Variants in CD8B observed in about 807,000 individuals in gnomAD.
CD8B encodes T-cell surface glycoprotein CD8 beta chain.
In CD8B, 6 loss-of-function variants were observed where a neutral mutation model predicts 24.2. That is an observed-to-expected ratio of 0.25 (90% CI 0.14 to 0.49). The LOEUF (loss-of-function observed/expected upper bound fraction) is 0.49, where lower values mean the gene tolerates loss of function less well. Among genes scored for constraint, CD8B ranks in the 20% least tolerant of loss-of-function variants. CD8B has a pLI of 0.98. For synonymous variants in CD8B, 84 were observed against 108.3 expected, an observed-to-expected ratio of 0.78 and a Z score of 1.39; for missense variants, 196 against 271.3, an observed-to-expected ratio of 0.72 and a Z score of 1.95.
chr2:86,846,887 C>A, intron 3 of CD8B, 114 bp from the exon 4 acceptor site: 1 of 580,604 alleles, frequency 1.7e-6, no homozygotes, highest in Non-Finnish European at 3.2e-6. Flanking sequence ...CCAGAGAATA[C>A]CACCATTTGT....
chr2:86,852,907 G>A (rs1162107909), intron 3 of CD8B, 90 bp downstream of exon 3: 6 of 1,367,354 alleles, frequency 4.4e-6, no homozygotes, highest in Non-Finnish European at 5.9e-6. Context: ...TTGACACTTG[G>A]AAAGTGCCTG....
chr2:86,830,230 G>C (rs1274396727), intron 5 of CD8B, among the ~76,000 whole-genome samples: 16 of 151,992 alleles, frequency 1.1e-4, no homozygotes, highest in Admixed American at 1.0e-3. Flanking sequence ...GTCCCAGCCA[G>C]TTTTTAGCAT....
In CD8B at chr2:86,838,376, C is replaced by A. The variant is rs1180655386; in HGVS notation, c.*3931G>T. On this transcript the variant is annotated 3_prime_UTR_variant, in exon 6 of 6. Coordinates refer to ENST00000390655, the MANE Select transcript of CD8B (RefSeq NM_004931.5). The stretch of plus-strand genomic sequence containing the variant: ...TGATTTATTATTAGAGAAAAAAGAT[C>A]AAATCTGCAGAACAATATTAGAAGA... Among the ~76,000 whole-genome samples, 1 of 151,818 alleles carries A rather than the reference C, an allele frequency of 6.6e-6. No individual in the cohort carries two copies. The highest frequency in any genetic ancestry group is 1.5e-5 in the Non-Finnish European group (1 of 67,986).
Position 86,846,925 on chromosome 2 carries a change from G to GTCTTTTTTTTTT in CD8B, c.494-153_494-152insAAAAAAAAAAGA, listed in dbSNP as rs1285464744. 2.3e-5 allele frequency: 4 copies of GTCTTTTTTTTTT among 176,724 alleles called. 2 individuals carry two copies. The highest frequency in any genetic ancestry group is 7.3e-5 in the African/African-American group (2 of 27,522). The allele number at this position is 176,724 out of a possible 1,614,324, so 10.9% of individuals were successfully genotyped here. A position where few individuals can be genotyped will look rare whatever the true frequency, so the allele number is the denominator to read the frequency against. On this transcript the variant is annotated intron_variant, in intron 3 of 5. Coordinates refer to ENST00000390655, the MANE Select transcript of CD8B (RefSeq NM_004931.5). ...TTCGATGTAATGTATTTTTCCTCAA[G>GTCTTTTTTTTTT]TATTTTTTTTTTTTTTTTTTTTTTT... is the stretch of plus-strand genomic sequence containing the variant.
At position 86,859,415 on chromosome 2, in the gene CD8B, T is replaced by G. The variant is rs188881329; in HGVS notation, c.44-999A>C. 1.4e-3 allele frequency among the ~76,000 whole-genome samples: 213 copies of G among 152,230 alleles called. 3 individuals carry two copies. In the East Asian group the frequency reaches 0.037, roughly 26 times the overall value. On this transcript the variant is annotated intron_variant, in intron 1 of 5. Transcript: ENST00000390655. ...CTCTGGCCGTGCCAGCTGTGAGACC[T>G]CAGGCCAGTCACCGAGCCTCTGTCT...
At chr2:86,829,745 C>T (rs1223537327) in intron 5 of CD8B, among the ~76,000 whole-genome samples, 1 of 152,198 alleles carries the variant, frequency 6.6e-6, no homozygotes, top group Admixed American at 6.5e-5. Flanking sequence ...GTCCCTCTGG[C>T]AATGTATTTT....
intron 5 of CD8B, among the ~76,000 whole-genome samples, chr2:86,842,959 C>G (rs1159603101): frequency 1.3e-5 from 2 of 152,072 alleles, no homozygotes; most frequent in Admixed American, 1.3e-4. Context: ...CTGCATCCAG[C>G]CTCCCCAAAA....
At chr2:86,851,808 A>G (rs1291068544) in intron 3 of CD8B, among the ~76,000 whole-genome samples, 7 of 152,216 alleles carry the variant, frequency 4.6e-5, no homozygotes, top group Admixed American at 3.9e-4. Flanking sequence ...GTTTAAGGAA[A>G]ACGTGTGCAT....
chr2:86,849,676 G>T (rs1191772669), intron 3 of CD8B, among the ~76,000 whole-genome samples: 2 of 150,710 alleles, frequency 1.3e-5, no homozygotes, highest in Non-Finnish European at 2.9e-5. Context: ...GAACTTTGCG[G>T]TATGCAAATT....
In CD8B at chr2:86,858,087, T is replaced by C; in HGVS notation, c.373A>G (p.Thr125Ala). 6.2e-7 allele frequency: 1 copy of C among 1,613,928 alleles called. No individual in the cohort carries two copies. Among genetic ancestry groups the C allele is most frequent in the Non-Finnish European group, 8.5e-7 (1 of 1,179,824 alleles). Reference protein sequence around the residue: ...FCMIVGSPELTFGKGTQLSVV... With the variant: ...FCMIVGSPELAFGKGTQLSVV... ...CTCAGCTGAGTTCCCTTCCCGAAGG[T>C]CAGCTCGGGGCTCCCGACGATCATG... Residue 125 changes from threonine to alanine, a missense_variant, in exon 2 of 6, where the codon ACC (threonine) becomes GCC (alanine). Coordinates refer to ENST00000390655, the MANE Select transcript of CD8B (RefSeq NM_004931.5).
chr2:86,847,605 G>C (rs1239669890), intron 3 of CD8B, among the ~76,000 whole-genome samples: 1 of 152,072 alleles, frequency 6.6e-6, no homozygotes, highest in Non-Finnish European at 1.5e-5. Flanking sequence ...TCGCTCTGTC[G>C]CCCAGGCTGG....
chr2:86,834,536 T>G, downstream of CD8B, among the ~76,000 whole-genome samples: 1 of 149,810 alleles, frequency 6.7e-6, no homozygotes, highest in South Asian at 2.1e-4. Flanking sequence ...GGGGAGAGGG[T>G]GGGGAGGTTT....
chr2:86,849,813 C>A (rs1311690630), intron 3 of CD8B, among the ~76,000 whole-genome samples: 1 of 150,846 alleles, frequency 6.6e-6, no homozygotes, highest in Non-Finnish European at 1.5e-5. Context: ...AAGCGATTCT[C>A]CTTCCTCAGC....
chr2:86,830,837 C>T (rs1674880192), intron 5 of CD8B, among the ~76,000 whole-genome samples: 1 of 151,966 alleles, frequency 6.6e-6, no homozygotes, highest in South Asian at 2.1e-4. Flanking sequence ...AAATGCATTC[C>T]TTTTGTTTAT....
rs778207004 is a variant in CD8B, at chr2:86,853,066, C to T, written c.424G>A (p.Ala142Thr). 1.3e-6 allele frequency: 2 copies of T among 1,543,632 alleles called. No homozygotes were observed. Among genetic ancestry groups the T allele is most frequent in the Non-Finnish European group, 1.7e-6 (2 of 1,142,870 alleles). The change falls in exon 3 of 6, where the codon GCC (alanine) becomes ACC (threonine). Residue 142 changes from alanine (A) to threonine (T), a missense_variant. Transcript: ENST00000390655. ...AGGGTGGACTTCTTGGTGGGCTGGG[C>T]AGTGGTGGGAAGGAAATCAACTACA... ...LSVVDFLPTT[A>T]QPTKKSTLKK...
intron 5 of CD8B, among the ~76,000 whole-genome samples, chr2:86,816,414 C>T (rs1477044392): frequency 6.6e-6 from 1 of 152,172 alleles, no homozygotes; most frequent in East Asian, 1.9e-4. Flanking sequence ...CCAGATTTTG[C>T]TCACAAGCTG....
downstream of CD8B, among the ~76,000 whole-genome samples, chr2:86,837,016 G>T (rs1026884146): frequency 1.6e-4 from 24 of 152,222 alleles, no homozygotes; most frequent in African/African-American, 5.8e-4. Context: ...AATTAGCCAG[G>T]TGTGGTAGTG....
intron 1 of CD8B, among the ~76,000 whole-genome samples, chr2:86,859,190 C>G (rs1342122866): frequency 5.9e-5 from 9 of 152,084 alleles, no homozygotes; most frequent in South Asian, 4.2e-4. Context: ...TGGACAGACC[C>G]TGGTAGGTAC....
downstream of CD8B, chr2:86,815,430 T>C (rs746418366): frequency 6.7e-6 from 4 of 596,298 alleles, no homozygotes; most frequent in Non-Finnish European, 1.2e-5. Context: ...GGGGACACTT[T>C]GGGGTTCACA....
Sources: gnomAD v4.1 joint callset for allele counts (sites outside exome capture counted in the v4.1 genomes callset) on GRCh38, gnomAD v4.1.1 for gene constraint, MANE v1.5 for transcripts, NCBI Gene and HGNC (gene_info 2026-07-23, HGNC 2026-07-21) for gene names.